METTL25: variants seen among roughly 807,000 people sequenced by gnomAD.
METTL25 encodes the protein probable methyltransferase-like protein 25.
In METTL25, 64 loss-of-function variants were observed where a neutral mutation model predicts 71.6. That is an observed-to-expected ratio of 0.89 (90% CI 0.73 to 1.10). METTL25 has a LOEUF of 1.10. Among genes scored for constraint, METTL25 ranks in the 50% least tolerant of loss-of-function variants. The probability of loss-of-function intolerance (pLI) is 0.00; values close to 1 mark genes in which losing one functional copy is unlikely to be tolerated. For missense variants in METTL25, 807 were observed against 707.0 expected, an observed-to-expected ratio of 1.14 and a Z score of -1.60; for synonymous variants, 287 against 250.3, an observed-to-expected ratio of 1.15 and a Z score of -1.38.
chr12:82,473,827 G>A (rs1330281107), intron 9 of METTL25, among the ~76,000 whole-genome samples: 1 of 152,152 alleles, frequency 6.6e-6, no homozygotes, highest in African/African-American at 2.4e-5. Context: ...TTTCTCTGCT[G>A]TGTAGGACCA....
At chr12:82,451,324 T>TA in intron 8 of METTL25, 1 of 922,570 alleles carries the variant, frequency 1.1e-6, no homozygotes, top group Non-Finnish European at 1.3e-6. Flanking sequence ...ATTAAGAACA[T>TA]AAGCACAGGA....
chr12:82,422,629 T>C (rs994293146), intron 5 of METTL25, among the ~76,000 whole-genome samples: 1 of 152,166 alleles, frequency 6.6e-6, no homozygotes, highest in African/African-American at 2.4e-5. Context: ...GATGACATGA[T>C]TGTATATTTA....
At chr12:82,448,484 C>A (rs971878903) in intron 8 of METTL25, among the ~76,000 whole-genome samples, 1 of 151,934 alleles carries the variant, frequency 6.6e-6, no homozygotes, top group Non-Finnish European at 1.5e-5. Context: ...TTAAAAATCT[C>A]TTTTAAAACA....
At chr12:82,428,842 CTAGT>C (rs1398379048) in intron 5 of METTL25, among the ~76,000 whole-genome samples, 4 of 151,760 alleles carry the variant, frequency 2.6e-5, no homozygotes, top group African/African-American at 9.7e-5. Context: ...GGAACTGAAG[CTAGT>C]TAATACATTT....
At chr12:82,386,445 C>CT (rs1885014272) in intron 1 of METTL25, among the ~76,000 whole-genome samples, 1 of 124,160 alleles carries the variant, frequency 8.1e-6, no homozygotes, top group Non-Finnish European at 1.7e-5. Context: ...CTCCCTCCCT[C>CT]CCTCCCTCCC....
chr12:82,373,632 GGGCGACATAACTTTGAGA>G (rs2136873877), intron 1 of METTL25, among the ~76,000 whole-genome samples: 1 of 152,262 alleles, frequency 6.6e-6, no homozygotes, highest in East Asian at 1.9e-4. Flanking sequence ...AGTCTCGCTG[GGGCGACATAACTTTGAGA>G]GTTCCACTCA....
intron 8 of METTL25, among the ~76,000 whole-genome samples, chr12:82,456,340 G>C (rs1265156518): frequency 6.6e-6 from 1 of 151,906 alleles, no homozygotes; most frequent in Non-Finnish European, 1.5e-5. Flanking sequence ...TTGCATAGCT[G>C]TTGAATTATT....
In METTL25 at chr12:82,393,650, T is replaced by G. The variant is rs149370714; in HGVS notation, c.531+3728T>G. Among the ~76,000 whole-genome samples the G allele has an allele frequency of 1.4e-4, 22 of 152,156 alleles. No homozygotes were observed. The East Asian group carries it at 4.3e-3, about 29-fold the overall frequency. On this transcript the variant is annotated intron_variant, in intron 3 of 11. Coordinates refer to ENST00000248306, the MANE Select transcript of METTL25 (RefSeq NM_032230.3). The stretch of plus-strand genomic sequence containing the variant: ...TGATTGCTCTGGCTAGGACCTCCAA[T>G]ACTATGTTGAATAAAAATGGTGAAA...
In METTL25 at chr12:82,399,167, C is replaced by A. The variant is rs756250375; in HGVS notation, c.904C>A (p.Gln302Lys). 5 of 1,613,266 alleles carry A rather than the reference C, an allele frequency of 3.1e-6. No homozygotes were observed. The highest frequency in any genetic ancestry group is 1.1e-5 in the South Asian group (1 of 90,968). The change falls in exon 4 of 12, where the codon CAA becomes AAA. Residue 302 changes from glutamine to lysine, a missense_variant. Transcript: ENST00000248306. Reference protein sequence around the residue: ...QMETLHSQPHQEENLCFENSF... With the variant: ...QMETLHSQPHKEENLCFENSF... ...GGAAACCCTTCATTCTCAGCCACAT[C>A]AAGAAGAAAATTTGTGTTTTGAAAA...
intron 5 of METTL25, among the ~76,000 whole-genome samples, chr12:82,415,957 G>A (rs1006606342): frequency 3.9e-5 from 6 of 152,086 alleles, no homozygotes; most frequent in African/African-American, 1.4e-4. Context: ...TCATTGTATT[G>A]TAATCATTAC....
intron 1 of METTL25, among the ~76,000 whole-genome samples, chr12:82,363,916 T>C (rs138090180): frequency 1.2e-3 from 184 of 152,288 alleles, no homozygotes; most frequent in African/African-American, 4.4e-3. Flanking sequence ...CAGTGGCTGT[T>C]ATAAATATGT....
chr12:82,444,899 T>C (rs922539418), intron 8 of METTL25, among the ~76,000 whole-genome samples: 3 of 152,064 alleles, frequency 2.0e-5, no homozygotes, highest in Non-Finnish European at 4.4e-5. Context: ...TCCATTCAAA[T>C]GGAAACCAGG....
chr12:82,374,014 T>A (rs1057082420), intron 1 of METTL25: 15 of 156,712 alleles, frequency 9.6e-5, no homozygotes, highest in African/African-American at 3.6e-4. Flanking sequence ...TCCAGAATTG[T>A]TTGTTCCTCC....
intron 6 of METTL25, among the ~76,000 whole-genome samples, chr12:82,433,938 T>C (rs954796658): frequency 2.0e-5 from 3 of 151,372 alleles, no homozygotes; most frequent in Non-Finnish European, 4.4e-5. Context: ...TTTGGAAATA[T>C]ATCTAAAAAC....
At chr12:82,413,998 AT>A (rs556681715) in intron 5 of METTL25, among the ~76,000 whole-genome samples, 26 of 151,172 alleles carry the variant, frequency 1.7e-4, no homozygotes, top group Non-Finnish European at 3.8e-4. Context: ...ATATATATAT[AT>A]TTTTTCTTAA....
chr12:82,462,387 G>A (rs1011570478), intron 9 of METTL25, among the ~76,000 whole-genome samples: 3 of 151,942 alleles, frequency 2.0e-5, no homozygotes, highest in Non-Finnish European at 4.4e-5. Flanking sequence ...CAAGCCTCTG[G>A]AATCCTCTGT....
chr12:82,381,854 T>C (rs1423669031), intron 1 of METTL25, among the ~76,000 whole-genome samples: 2 of 152,238 alleles, frequency 1.3e-5, no homozygotes, highest in African/African-American at 4.8e-5. Context: ...GAGCATTGTC[T>C]ATCAGAGTTT....
At chr12:82,408,081 C>A in intron 5 of METTL25, 1 of 326,864 alleles carries the variant, frequency 3.1e-6, no homozygotes, top group Non-Finnish European at 4.4e-6. Flanking sequence ...AATCTCTAGG[C>A]ATAGGACTTG....
chr12:82,426,947 T>TATTAG (rs1889079036), intron 5 of METTL25, among the ~76,000 whole-genome samples: 4 of 151,974 alleles, frequency 2.6e-5, no homozygotes, highest in Non-Finnish European at 5.9e-5. Context: ...AATCCCATCA[T>TATTAG]GCCTTTTATC....
Sources: allele counts gnomAD v4.1 joint callset (sites outside exome capture counted in the v4.1 genomes callset), GRCh38; gene constraint gnomAD v4.1.1; transcripts MANE v1.5; gene names NCBI Gene and HGNC (gene_info 2026-07-23, HGNC 2026-07-21).